Variants in STK39 observed in about 807,000 individuals in gnomAD.
STK39 encodes STE20/SPS1-related proline-alanine-rich protein kinase.
STK39 carries 20 observed loss-of-function variants against 77.8 expected under a neutral mutation model. The observed-to-expected ratio is 0.26, with a 90% CI of 0.18 to 0.37. The LOEUF is 0.37. Among genes scored for constraint, STK39 ranks in the 10% least tolerant of loss-of-function variants. The pLI, the probability that STK39 is intolerant of heterozygous loss-of-function variation, is 1.00. For synonymous variants in STK39, 246 were observed against 234.1 expected (o/e 1.05, Z -0.47); for missense variants, 479 against 656.5 (o/e 0.73, Z 2.95).
intron 16 of STK39, among the ~76,000 whole-genome samples, chr2:167,994,847 C>T (rs1199823476): frequency 4.6e-5 from 7 of 152,056 alleles, no homozygotes; most frequent in African/African-American, 1.7e-4. Flanking sequence ...GCTACAGAGA[C>T]TCTGGATGGG....
intron 10 of STK39, among the ~76,000 whole-genome samples, chr2:168,083,226 TC>T (rs1010750512): frequency 6.7e-6 from 1 of 148,922 alleles, no homozygotes; most frequent in African/African-American, 2.5e-5. Context: ...TTCCACATTC[TC>T]CTTTTTTTTT....
At chr2:168,156,097 T>A (rs753776843) in intron 5 of STK39, among the ~76,000 whole-genome samples, 2 of 152,190 alleles carry the variant, frequency 1.3e-5, no homozygotes, top group African/African-American at 4.8e-5. Flanking sequence ...AGCTAGAGTA[T>A]GGCCAGAACC....
chr2:168,208,065 G>C (rs1689787828), intron 1 of STK39, among the ~76,000 whole-genome samples: 1 of 152,182 alleles, frequency 6.6e-6, no homozygotes, highest in South Asian at 2.1e-4. Context: ...TCTGGGGATA[G>C]GAGCAGAAAT....
intron 1 of STK39, among the ~76,000 whole-genome samples, chr2:168,210,249 T>C (rs1407974362): frequency 1.3e-5 from 2 of 152,154 alleles, no homozygotes; most frequent in Non-Finnish European, 2.9e-5. Context: ...TTCACAAATA[T>C]CACCTGCAAT....
At chr2:168,054,434 C>T (rs150950751) in intron 14 of STK39, among the ~76,000 whole-genome samples, 136 of 152,352 alleles carry the variant, frequency 8.9e-4, no homozygotes, top group Admixed American at 2.9e-3. Flanking sequence ...CAGCAAACAA[C>T]GTGCTTATCA....
chr2:168,078,203 A>G (rs889075127), intron 10 of STK39, among the ~76,000 whole-genome samples: 6 of 152,228 alleles, frequency 3.9e-5, no homozygotes, highest in African/African-American at 1.4e-4. Context: ...GTAAGGTTAG[A>G]AAATGTTTTA....
chr2:168,027,156 T>C (rs2105333710), intron 14 of STK39, among the ~76,000 whole-genome samples: 1 of 152,226 alleles, frequency 6.6e-6, no homozygotes, highest in East Asian at 1.9e-4. Context: ...CTCTAAAGGT[T>C]GAGAACCACT....
intron 16 of STK39, among the ~76,000 whole-genome samples, chr2:168,001,281 A>AAC (rs1179236261): frequency 6.6e-6 from 1 of 151,868 alleles, no homozygotes; most frequent in African/African-American, 2.4e-5. Flanking sequence ...AAAAAAAAAA[A>AAC]AAAACAACAA....
chr2:168,003,283 T>C (rs1259401003), intron 16 of STK39, among the ~76,000 whole-genome samples: 1 of 152,216 alleles, frequency 6.6e-6, no homozygotes, highest in Non-Finnish European at 1.5e-5. Context: ...GCCCAACTGC[T>C]GAATATCTTA....
intron 1 of STK39, among the ~76,000 whole-genome samples, chr2:168,219,136 G>A (rs1690098922): frequency 6.6e-6 from 1 of 152,004 alleles, no homozygotes; most frequent in Admixed American, 6.6e-5. Context: ...AAAGTAGGCA[G>A]AGGGTCAGGC....
intron 5 of STK39, among the ~76,000 whole-genome samples, chr2:168,142,940 GTATAT>G (rs1268544511): frequency 1.3e-5 from 2 of 152,154 alleles, no homozygotes; most frequent in African/African-American, 4.8e-5. Context: ...CAAAAAATTG[GTATAT>G]TATATTGAGA....
Position 168,174,532 on chromosome 2 carries a change from T to C in STK39, c.322-7125A>G, listed in dbSNP as rs191754330. On this transcript the variant is annotated intron_variant, in intron 2 of 17. Coordinates refer to ENST00000355999, the MANE Select transcript of STK39 (RefSeq NM_013233.3). ...AATAGGAAGATGCCATTTTCTTTTA[T>C]AGTTAGCTAAAAAAGTTATTCAACA... Among the ~76,000 whole-genome samples, 537 of 152,272 alleles carry C rather than the reference T, an allele frequency of 3.5e-3. 4 individuals carry two copies. Among genetic ancestry groups the C allele is most frequent in the African/African-American group, 0.012 (513 of 41,512 alleles).
chr2:168,208,853 GCTGA>G (rs1689810466), intron 1 of STK39, among the ~76,000 whole-genome samples: 2 of 152,216 alleles, frequency 1.3e-5, no homozygotes, highest in African/African-American at 2.4e-5. Flanking sequence ...CAAGACTGAA[GCTGA>G]CTGAGTTGCT....
intron 16 of STK39, among the ~76,000 whole-genome samples, chr2:167,979,223 A>G (rs937243352): frequency 4.6e-5 from 7 of 152,212 alleles, no homozygotes; most frequent in Admixed American, 1.3e-4. Context: ...ACATGATAGA[A>G]GTATTTTTAA....
At chr2:168,185,856 A>G (rs1337540319) in intron 1 of STK39, among the ~76,000 whole-genome samples, 2 of 152,182 alleles carry the variant, frequency 1.3e-5, no homozygotes, top group Non-Finnish European at 2.9e-5. Flanking sequence ...AATCCCTGCC[A>G]TGTAGCAGGC....
intron 5 of STK39, among the ~76,000 whole-genome samples, chr2:168,161,470 T>C (rs1331701825): frequency 6.6e-6 from 1 of 152,224 alleles, no homozygotes; most frequent in Non-Finnish European, 1.5e-5. Flanking sequence ...CGAAAAATGT[T>C]TTTACAAGTG....
chr2:168,061,260 C>G (rs1019796522), intron 14 of STK39, among the ~76,000 whole-genome samples: 1 of 145,958 alleles, frequency 6.9e-6, no homozygotes, highest in African/African-American at 2.5e-5. Context: ...AAAAAAACCA[C>G]ATTATCTTAA....
chr2:168,057,765 G>A (rs1685564291), intron 14 of STK39, among the ~76,000 whole-genome samples: 1 of 151,958 alleles, frequency 6.6e-6, no homozygotes, highest in Non-Finnish European at 1.5e-5. Context: ...TGTTTTACTG[G>A]GAAAATAGAA....
intron 10 of STK39, among the ~76,000 whole-genome samples, chr2:168,106,950 C>A (rs1261473436): frequency 2.6e-5 from 4 of 152,050 alleles, no homozygotes; most frequent in Admixed American, 2.6e-4. Context: ...CTCATTCAAG[C>A]AAAACTTGTT....
Sources: gnomAD v4.1 joint callset for allele counts (sites outside exome capture counted in the v4.1 genomes callset) on GRCh38, gnomAD v4.1.1 for gene constraint, MANE v1.5 for transcripts, NCBI Gene and HGNC (gene_info 2026-07-23, HGNC 2026-07-21) for gene names.